Variants in PTPRD observed in about 807,000 individuals in gnomAD.
PTPRD encodes the protein protein tyrosine phosphatase receptor type D, also known as receptor-type tyrosine-protein phosphatase delta.
A neutral mutation model predicts 214.5 loss-of-function variants in PTPRD; 34 were observed. The observed-to-expected ratio is 0.16, with a 90% CI of 0.12 to 0.21. The LOEUF is 0.21. PTPRD is among the 10% of genes least tolerant of loss of function. The pLI is 1.00. For missense variants in PTPRD, 2,545 were observed against 2,398.7 expected (o/e 1.06, Z -1.27); for synonymous variants, 1,128 against 845.7 (o/e 1.33, Z -5.79).
rs772546050 is a variant in PTPRD at position 10,090,121 on chromosome 9, T to G, written c.-544-56331A>C. On this transcript the variant is annotated intron_variant, in intron 3 of 45. Coordinates refer to ENST00000381196, the MANE Select transcript of PTPRD (RefSeq NM_002839.4). ...CTCACTAAAACTAAGCATATCCATA[T>G]AGCATAGCAGGAATTTCCATCCCAG... is the stretch of plus-strand genomic sequence containing the variant. 4.0e-5 allele frequency among the ~76,000 whole-genome samples: 6 copies of G among 151,788 alleles called. No individual in the cohort carries two copies. The East Asian group carries it at 9.7e-4, about 25-fold the overall frequency.
chr9:8,949,205 C>CTA (rs1567189021), intron 11 of PTPRD, among the ~76,000 whole-genome samples: 1 of 135,524 alleles, frequency 7.4e-6, no homozygotes. Context: ...GCCTGGGCAA[C>CTA]AGAGCGAGAC....
chr9:9,009,854 A>C (rs1256502340), intron 11 of PTPRD, among the ~76,000 whole-genome samples: 1 of 152,074 alleles, frequency 6.6e-6, no homozygotes, highest in African/African-American at 2.4e-5. Flanking sequence ...ACTAATCTTC[A>C]TAAATTCTCT....
chr9:8,857,621 C>A (rs1189287121), intron 11 of PTPRD: 2 of 153,610 alleles, frequency 1.3e-5, no homozygotes, highest in South Asian at 1.8e-4. Flanking sequence ...CGGACGGGGT[C>A]AGTTCCAGGG....
At chr9:9,913,578 C>G (rs562353699) in intron 5 of PTPRD, among the ~76,000 whole-genome samples, 1 of 152,200 alleles carries the variant, frequency 6.6e-6, no homozygotes, top group South Asian at 2.1e-4. Context: ...GAGGGCAGCA[C>G]AGAGGCACCC....
intron 12 of PTPRD, among the ~76,000 whole-genome samples, chr9:8,673,769 A>G (rs1206211958): frequency 1.3e-5 from 2 of 152,204 alleles, no homozygotes; most frequent in South Asian, 2.1e-4. Flanking sequence ...TTCAATTGGC[A>G]TAACGAGTGC....
At chr9:9,029,335 A>G (rs181485984) in intron 10 of PTPRD, among the ~76,000 whole-genome samples, 1 of 151,974 alleles carries the variant, frequency 6.6e-6, no homozygotes. Context: ...GAATCAGACT[A>G]AAAAGTGCTG....
At chr9:8,823,658 G>T (rs1192159361) in intron 11 of PTPRD, among the ~76,000 whole-genome samples, 2 of 133,022 alleles carry the variant, frequency 1.5e-5, no homozygotes, top group Non-Finnish European at 3.2e-5. Context: ...TTTCAAAAAA[G>T]GGAAGGGAAA....
intron 43 of PTPRD, among the ~76,000 whole-genome samples, chr9:8,333,118 A>G (rs1228254493): frequency 6.6e-6 from 1 of 152,166 alleles, no homozygotes; most frequent in African/African-American, 2.4e-5. Flanking sequence ...CAGGAAGATG[A>G]CACCAAGTGT....
At chr9:10,137,818 G>T (rs2098953782) in intron 3 of PTPRD, among the ~76,000 whole-genome samples, 1 of 151,216 alleles carries the variant, frequency 6.6e-6, no homozygotes, top group Admixed American at 6.6e-5. Context: ...AATTAAGGGA[G>T]AAATTGTAAA....
At chr9:8,538,560 G>A (rs1036602445) in intron 14 of PTPRD, among the ~76,000 whole-genome samples, 6 of 151,514 alleles carry the variant, frequency 4.0e-5, no homozygotes, top group Non-Finnish European at 7.4e-5. Flanking sequence ...AATCAATTGT[G>A]TAGTGTTGGA....
At chr9:10,609,902 A>G (rs1320307942) in intron 2 of PTPRD, among the ~76,000 whole-genome samples, 1 of 152,224 alleles carries the variant, frequency 6.6e-6, no homozygotes, top group African/African-American at 2.4e-5. Context: ...GAAAAGAAAA[A>G]CATGTTTGCC....
intron 2 of PTPRD, among the ~76,000 whole-genome samples, chr9:10,400,096 T>C (rs1587286306): frequency 6.6e-6 from 1 of 151,856 alleles, no homozygotes; most frequent in South Asian, 2.1e-4. Flanking sequence ...TGGTTAAGCA[T>C]GTGTTCACAG....
At chr9:9,693,451 T>TC (rs1425061354) in intron 7 of PTPRD, among the ~76,000 whole-genome samples, 1 of 151,994 alleles carries the variant, frequency 6.6e-6, no homozygotes, top group Non-Finnish European at 1.5e-5. Context: ...GTAAGTTTCC[T>TC]CCCCCCGCCA....
At chr9:9,233,860 G>C (rs1035202914) in intron 9 of PTPRD, among the ~76,000 whole-genome samples, 1 of 152,196 alleles carries the variant, frequency 6.6e-6, no homozygotes, top group South Asian at 2.1e-4. Context: ...CTGTGGCTTT[G>C]TAGGGTATAG....
intron 34 of PTPRD, among the ~76,000 whole-genome samples, chr9:8,445,506 C>G (rs1043427245): frequency 4.6e-5 from 7 of 152,000 alleles, no homozygotes; most frequent in African/African-American, 1.7e-4. Context: ...TTAAAGTATA[C>G]TTTAATAATG....
intron 3 of PTPRD, among the ~76,000 whole-genome samples, chr9:10,310,709 A>G (rs2096245268): frequency 6.6e-6 from 1 of 152,108 alleles, no homozygotes; most frequent in Non-Finnish European, 1.5e-5. Flanking sequence ...CCTTTTGTTG[A>G]TAAGCCTTTG....
intron 11 of PTPRD, among the ~76,000 whole-genome samples, chr9:8,896,833 G>GT (rs1455826333): frequency 1.3e-5 from 2 of 152,054 alleles, no homozygotes; most frequent in African/African-American, 4.8e-5. Flanking sequence ...ACAGATTCAG[G>GT]TTATTTTTCA....
intron 23 of PTPRD, among the ~76,000 whole-genome samples, chr9:8,503,991 C>T (rs755698184): frequency 3.3e-5 from 5 of 152,138 alleles, no homozygotes; most frequent in Non-Finnish European, 5.9e-5. Flanking sequence ...TGATCTAACT[C>T]CTTTAACCCA....
At chr9:9,802,055 T>C (rs2099044044) in intron 5 of PTPRD, among the ~76,000 whole-genome samples, 1 of 152,108 alleles carries the variant, frequency 6.6e-6, no homozygotes, top group African/African-American at 2.4e-5. Context: ...TCAAATTGAA[T>C]GTGTTTAGCA....
Sources: allele counts gnomAD v4.1 joint callset (sites outside exome capture counted in the v4.1 genomes callset), GRCh38; gene constraint gnomAD v4.1.1; transcripts MANE v1.5; gene names NCBI Gene and HGNC (gene_info 2026-07-23, HGNC 2026-07-21).